CEMIP: variants seen among roughly 807,000 people sequenced by gnomAD.
The protein encoded by CEMIP is cell migration inducing hyaluronidase 1, also known as cell migration-inducing and hyaluronan-binding protein.
A neutral mutation model predicts 156.9 loss-of-function variants in CEMIP; 105 were observed. The ratio of observed to expected loss-of-function variants is 0.67; its 90% CI spans 0.57 to 0.79. CEMIP has a LOEUF of 0.79. CEMIP is among the 30% of genes least tolerant of loss of function. CEMIP has a pLI of 0.00. For missense variants in CEMIP, 1,457 were observed against 1,769.4 expected, an observed-to-expected ratio of 0.82 and a Z score of 3.17; for synonymous variants, 676 against 668.4, an observed-to-expected ratio of 1.01 and a Z score of -0.17.
intron 1 of CEMIP, among the ~76,000 whole-genome samples, chr15:80,846,436 G>T (rs562631756): frequency 6.6e-6 from 1 of 152,286 alleles, no homozygotes; most frequent in South Asian, 2.1e-4. Flanking sequence ...TGTCAGTAGT[G>T]CTTAGCCTGC....
chr15:80,808,286 C>T (rs573997077), intron 1 of CEMIP, among the ~76,000 whole-genome samples: 2 of 152,310 alleles, frequency 1.3e-5, no homozygotes, highest in African/African-American at 4.8e-5. Flanking sequence ...GGATGGCCCA[C>T]CTGCAGCCTT....
At chr15:80,875,511 G>A (rs1275840261) in intron 3 of CEMIP, among the ~76,000 whole-genome samples, 1 of 152,182 alleles carries the variant, frequency 6.6e-6, no homozygotes, top group Non-Finnish European at 1.5e-5. Flanking sequence ...ACCTTGGAGA[G>A]GTGCCCTCAG....
At chr15:80,881,287 C>A in intron 6 of CEMIP, 151 bp downstream of exon 6, 3 of 767,274 alleles carry the variant, frequency 3.9e-6, no homozygotes, top group Non-Finnish European at 7.0e-6. Context: ...CTGTCCTTCC[C>A]CAGGCATTGG....
intron 1 of CEMIP, among the ~76,000 whole-genome samples, chr15:80,810,385 T>G (rs898398821): frequency 2.0e-5 from 3 of 152,222 alleles, no homozygotes; most frequent in Non-Finnish European, 4.4e-5. Flanking sequence ...TGTTTGTTTT[T>G]GAGACGGAGT....
chr15:80,848,953 A>ATTTTTTTTTTTT (rs764417438), intron 1 of CEMIP, among the ~76,000 whole-genome samples: 1 of 72,462 alleles, frequency 1.4e-5, no homozygotes, highest in Non-Finnish European at 2.4e-5. Flanking sequence ...CTCTTTAGAA[A>ATTTTTTTTTTTT]TTTTTTTTTT....
At chr15:80,880,002 G>A in intron 5 of CEMIP, 148 bp downstream of exon 5, 1 of 924,298 alleles carries the variant, frequency 1.1e-6, no homozygotes, top group Non-Finnish European at 1.7e-6. Context: ...GAACAAGACA[G>A]ACATGGTGAT....
intron 1 of CEMIP, among the ~76,000 whole-genome samples, chr15:80,809,287 T>C (rs1896597606): frequency 6.6e-6 from 1 of 152,192 alleles, no homozygotes; most frequent in Non-Finnish European, 1.5e-5. Flanking sequence ...GAGTCAATTA[T>C]TGTGTCTCCA....
intron 1 of CEMIP, among the ~76,000 whole-genome samples, chr15:80,816,572 AC>A (rs1296436132): frequency 6.6e-6 from 1 of 152,018 alleles, no homozygotes; most frequent in Non-Finnish European, 1.5e-5. Context: ...CTCCCTGATT[AC>A]TCCAGATATC....
rs918791272 is a variant in CEMIP, at chr15:80,951,638, TAAAG to T, written c.*2717_*2720del. On this transcript the variant is annotated 3_prime_UTR_variant, in exon 30 of 30. Transcript: ENST00000394685. ...CTTCAAGAAGTCACTGTCAGAGAAA[TAAAG>T]AATTGTCTTAAATGTCATGATTGGA... is the stretch of plus-strand genomic sequence containing the variant. 2.6e-5 allele frequency: 4 copies of T among 152,606 alleles called. No homozygotes were observed. Among genetic ancestry groups the T allele is most frequent in the African/African-American group, 9.6e-5 (4 of 41,454 alleles). The allele number at this position is 152,606 out of a possible 1,614,324, so 9.5% of individuals were successfully genotyped here.
At position 80,937,894 on chromosome 15, in the gene CEMIP, GGC is replaced by G; in HGVS notation, c.3324_3325del (p.Val1109LeufsTer51). On this transcript the variant is annotated frameshift_variant, in exon 25 of 30. Coordinates refer to ENST00000394685, the MANE Select transcript of CEMIP (RefSeq NM_001293298.2). LOFTEE classifies it high-confidence loss of function. ...NRLLKQTSKT[G>X]VFVRTLQMDK... ...CCTGCTGAAGCAAACGTCCAAGACG[GGC>G]GTCTTCGTGAGGACCTTGCAGATGG... 1 of 1,614,164 alleles carries G rather than the reference GGC, an allele frequency of 6.2e-7. No homozygotes were observed. The highest frequency in any genetic ancestry group is 8.5e-7 in the Non-Finnish European group (1 of 1,180,022).
chr15:80,936,876 A>T lies in CEMIP; in HGVS notation c.3212A>T (p.Asn1071Ile). The stretch of plus-strand genomic sequence containing the variant: ...GCCGAACTCGCCATCTGGCTCATCA[A>T]CTTCAACAAGTGAGTGGGTGTCCAG... ...APAELAIWLI[N>I]FNKGDWIRVG... The change falls in exon 24 of 30, where the codon AAC becomes ATC. Residue 1071 changes from asparagine to isoleucine, a missense_variant. Transcript: ENST00000394685. 6.2e-7 allele frequency: 1 copy of T among 1,614,100 alleles called. No individual in the cohort carries two copies. Among genetic ancestry groups the T allele is most frequent in the Non-Finnish European group, 8.5e-7 (1 of 1,180,026 alleles).
At chr15:80,941,623 A>G (rs1372666319) in intron 25 of CEMIP, among the ~76,000 whole-genome samples, 2 of 152,258 alleles carry the variant, frequency 1.3e-5, no homozygotes, top group Admixed American at 1.3e-4. Context: ...CGTGGCACAT[A>G]GAACGTGCTC....
Position 80,942,878 on chromosome 15 carries a change from C to T in CEMIP, c.3700-67C>T, listed in dbSNP as rs1262518618. 4 of 1,595,312 alleles carry T rather than the reference C, an allele frequency of 2.5e-6. No individual in the cohort carries two copies. The Admixed American group carries it at 6.7e-5, about 27-fold the overall frequency. ...CTGCCTTCAGGGTCTGCTTGGGAACCACCTGGGCAGGAGAACCATGGGGCC... is the reference window on the plus strand; with the variant it reads ...CTGCCTTCAGGGTCTGCTTGGGAACTACCTGGGCAGGAGAACCATGGGGCC... On this transcript the variant is annotated intron_variant, in intron 27 of 29. Coordinates refer to ENST00000394685, the MANE Select transcript of CEMIP (RefSeq NM_001293298.2).
chr15:80,917,520 A>T (rs1228409860), intron 14 of CEMIP, among the ~76,000 whole-genome samples: 1 of 152,198 alleles, frequency 6.6e-6, no homozygotes, highest in Admixed American at 6.5e-5. Flanking sequence ...ATTTATAACA[A>T]ACTTTTAGGG....
intron 1 of CEMIP, among the ~76,000 whole-genome samples, chr15:80,837,291 T>C (rs1260852199): frequency 1.3e-5 from 2 of 152,024 alleles, no homozygotes; most frequent in Non-Finnish European, 2.9e-5. Flanking sequence ...CAGATGGATA[T>C]GCAAATGGAA....
At position 80,878,700 on chromosome 15, in the gene CEMIP, AC is replaced by A. The variant is rs1188710302; in HGVS notation, c.95-20del. 6.2e-7 allele frequency: 1 copy of A among 1,614,094 alleles called. No homozygotes were observed. The highest frequency in any genetic ancestry group is 2.2e-5 in the East Asian group (1 of 44,886). On this transcript the variant is annotated intron_variant, in intron 3 of 29. Transcript: ENST00000394685. Reference sequence around the variant, plus strand: ...GTGAGGCTGGTAGATGGGAGCAGTGACATCTCTCTGTCCTTGGCAGTGGCTG... The same window carrying A: ...GTGAGGCTGGTAGATGGGAGCAGTGAATCTCTCTGTCCTTGGCAGTGGCTG...
intron 1 of CEMIP, among the ~76,000 whole-genome samples, chr15:80,832,322 C>CTCTGTGTGTGTGTGTGTGTGTGTGTGTG (rs1555429057): frequency 4.7e-5 from 6 of 128,100 alleles, no homozygotes; most frequent in South Asian, 2.8e-4. Flanking sequence ...AAAATAAACT[C>CTCTGTGTGTGTGTGTGTGTGTGTGTGTG]TGTGTGTGTG....
chr15:80,784,090 A>G (rs1234941595), intron 1 of CEMIP, among the ~76,000 whole-genome samples: 3 of 152,196 alleles, frequency 2.0e-5, no homozygotes, highest in Non-Finnish European at 2.9e-5. Context: ...GGAGCTGGAC[A>G]GCCTGGCTCC....
chr15:80,884,910 A>T (rs1898784107), intron 7 of CEMIP, among the ~76,000 whole-genome samples: 1 of 152,178 alleles, frequency 6.6e-6, no homozygotes. Flanking sequence ...GCCTTTTTTA[A>T]AAATTTAATT....
Sources: gnomAD v4.1 joint callset for allele counts (sites outside exome capture counted in the v4.1 genomes callset) on GRCh38, gnomAD v4.1.1 for gene constraint, MANE v1.5 for transcripts, NCBI Gene and HGNC (gene_info 2026-07-23, HGNC 2026-07-21) for gene names.